The following RANBP2 variants were observed in gnomAD, a reference collection of about 807,000 sequenced individuals.
The protein encoded by RANBP2 is RAN binding protein 2, also known as E3 SUMO-protein ligase RanBP2.
A neutral mutation model predicts 303.6 loss-of-function variants in RANBP2; 57 were observed. That is an observed-to-expected ratio of 0.19 (90% CI 0.15 to 0.23). The LOEUF is 0.23. Ranked by LOEUF, RANBP2 falls within the 10% of genes least tolerant of loss-of-function variation. The pLI is 1.00. For synonymous variants in RANBP2, 1,167 were observed against 1,301.5 expected, an observed-to-expected ratio of 0.90 and a Z score of 2.23; for missense variants, 3,138 against 3,780.8, an observed-to-expected ratio of 0.83 and a Z score of 4.46.
the RANBP2 span, among the ~76,000 whole-genome samples, chr2:108,886,063 A>G: frequency 5.9e-5 from 9 of 152,208 alleles, no homozygotes; most frequent in African/African-American, 2.2e-4. Flanking sequence ...TAGTGCTGCA[A>G]TAAACATGGG....
the RANBP2 span, among the ~76,000 whole-genome samples, chr2:108,936,076 C>T: frequency 2.0e-5 from 3 of 152,234 alleles, no homozygotes; most frequent in South Asian, 6.2e-4. Context: ...CCTCGGCTGG[C>T]AGATGGTCCA....
the RANBP2 span, among the ~76,000 whole-genome samples, chr2:109,726,657 G>C: frequency 6.6e-6 from 1 of 152,104 alleles, no homozygotes; most frequent in Non-Finnish European, 1.5e-5. Flanking sequence ...AGGAGTCTTC[G>C]AGTTTTTTTA....
chr2:108,996,646 T>G, the RANBP2 span, among the ~76,000 whole-genome samples: 3 of 152,138 alleles, frequency 2.0e-5, no homozygotes, highest in Non-Finnish European at 4.4e-5. Context: ...AAGCCTGCTG[T>G]GCTGTTGTCC....
chr2:109,156,052 G>A, the RANBP2 span, among the ~76,000 whole-genome samples: 4 of 152,172 alleles, frequency 2.6e-5, no homozygotes, highest in Admixed American at 1.3e-4. Flanking sequence ...GAAATCACCC[G>A]TACTTTGGGA....
chr2:109,167,730 C>A, the RANBP2 span, among the ~76,000 whole-genome samples: 1 of 152,128 alleles, frequency 6.6e-6, no homozygotes, highest in African/African-American at 2.4e-5. Flanking sequence ...TGTCACCACG[C>A]CTGGCTAATT....
the RANBP2 span, among the ~76,000 whole-genome samples, chr2:109,435,257 T>C: frequency 6.6e-6 from 1 of 152,148 alleles, no homozygotes; most frequent in African/African-American, 2.4e-5. Context: ...AAACAGGAAA[T>C]CTGGCCTCGG....
At chr2:108,833,894 A>ATTTTTTTTTTTTTTTT in the RANBP2 span, among the ~76,000 whole-genome samples, 2 of 79,218 alleles carry the variant, frequency 2.5e-5, no homozygotes, top group Non-Finnish European at 4.5e-5. Context: ...CGCCCGGCTA[A>ATTTTTTTTTTTTTTTT]TTTTTTTTTT....
chr2:108,724,100 T>C (rs1694500875), intron 1 of RANBP2, among the ~76,000 whole-genome samples: 1 of 152,228 alleles, frequency 6.6e-6, no homozygotes, highest in Non-Finnish European at 1.5e-5. Flanking sequence ...TCATTTACTT[T>C]CTTTGTTTTG....
chr2:108,853,177 C>T, the RANBP2 span, among the ~76,000 whole-genome samples: 1 of 152,124 alleles, frequency 6.6e-6, no homozygotes, highest in Non-Finnish European at 1.5e-5. Flanking sequence ...TGAACATCAA[C>T]CGAGTTCTTG....
At chr2:109,049,553 CT>C in the RANBP2 span, among the ~76,000 whole-genome samples, 1 of 152,192 alleles carries the variant, frequency 6.6e-6, no homozygotes, top group Non-Finnish European at 1.5e-5. Flanking sequence ...CATGGCCAGG[CT>C]TATTTCAGAG....
At chr2:108,769,151 A>C (rs1677318397) in intron 20 of RANBP2, 1 of 934,458 alleles carries the variant, frequency 1.1e-6, no homozygotes, top group Non-Finnish European at 1.3e-6. Context: ...AATATGTAAG[A>C]CAATCAGATT....
the RANBP2 span, among the ~76,000 whole-genome samples, chr2:108,822,510 T>C: frequency 2.0e-5 from 3 of 152,192 alleles, no homozygotes; most frequent in African/African-American, 4.8e-5. Flanking sequence ...ATTCTTCTCT[T>C]CTCAAGTGTA....
chr2:109,468,102 A>G, the RANBP2 span, among the ~76,000 whole-genome samples: 1 of 152,272 alleles, frequency 6.6e-6, no homozygotes, highest in Non-Finnish European at 1.5e-5. Flanking sequence ...TGTCACTTAA[A>G]GGGAATACGT....
chr2:109,603,536 G>A, the RANBP2 span, among the ~76,000 whole-genome samples: 3 of 150,106 alleles, frequency 2.0e-5, no homozygotes, highest in Non-Finnish European at 4.4e-5. Flanking sequence ...ACCGCGCCCG[G>A]CCTCATAATA....
chr2:109,552,202 G>A, the RANBP2 span, among the ~76,000 whole-genome samples: 2 of 152,266 alleles, frequency 1.3e-5, no homozygotes, highest in African/African-American at 4.8e-5. Flanking sequence ...ATCTCCCCTG[G>A]TCCGTGGAAA....
At chr2:108,829,396 C>T in the RANBP2 span, among the ~76,000 whole-genome samples, 1 of 152,180 alleles carries the variant, frequency 6.6e-6, no homozygotes, top group Non-Finnish European at 1.5e-5. Context: ...CTTAACATCA[C>T]TACTCTCTAA....
chr2:109,203,238 C>T, the RANBP2 span, among the ~76,000 whole-genome samples: 23 of 152,218 alleles, frequency 1.5e-4, no homozygotes, highest in African/African-American at 5.3e-4. Context: ...TCAGAGAGCC[C>T]CAGGGCAGCA....
chr2:108,796,993 A>C, the RANBP2 span, among the ~76,000 whole-genome samples: 1 of 152,226 alleles, frequency 6.6e-6, no homozygotes, highest in East Asian at 1.9e-4. Context: ...ACAAAGAAAG[A>C]ATAAATGTTT....
the RANBP2 span, among the ~76,000 whole-genome samples, chr2:109,604,626 C>T: frequency 6.6e-6 from 1 of 150,860 alleles, no homozygotes; most frequent in Non-Finnish European, 1.5e-5. Context: ...ACTCAAGAGG[C>T]TGAGGCAGGA....
Sources: allele counts gnomAD v4.1 joint callset (sites outside exome capture counted in the v4.1 genomes callset), GRCh38; gene constraint gnomAD v4.1.1; transcripts MANE v1.5; gene names NCBI Gene and HGNC (gene_info 2026-07-23, HGNC 2026-07-21).